The following TSNARE1 variants were observed in gnomAD, a reference collection of about 807,000 sequenced individuals.
TSNARE1 encodes t-SNARE domain containing 1, also known as t-SNARE domain-containing protein 1.
In TSNARE1, 49 loss-of-function variants were observed where a neutral mutation model predicts 62.0. The ratio of observed to expected loss-of-function variants is 0.79; its 90% CI spans 0.63 to 1.00. The LOEUF (loss-of-function observed/expected upper bound fraction) is 1.00, where lower values mean the gene tolerates loss of function less well. TSNARE1 is among the 50% of genes least tolerant of loss of function. The pLI, the probability that TSNARE1 is intolerant of heterozygous loss-of-function variation, is 0.00. For synonymous variants in TSNARE1, 328 were observed against 294.4 expected (o/e 1.11, Z -1.17); for missense variants, 755 against 700.1 (o/e 1.08, Z -0.88).
rs114396983 is a variant in TSNARE1 at position 142,321,215 on chromosome 8, G to A, written c.894-2581C>T. On this transcript the variant is annotated intron_variant, in intron 6 of 13. Transcript: ENST00000524325. Reference sequence around the variant, plus strand: ...AGAGGGGCCACCTTCCATGATGCTCGTCCCAATAAAAGGCCCAGAGGAGAC... The same window carrying A: ...AGAGGGGCCACCTTCCATGATGCTCATCCCAATAAAAGGCCCAGAGGAGAC... 4.8e-3 allele frequency among the ~76,000 whole-genome samples: 728 copies of A among 152,236 alleles called. 8 individuals are homozygous for A. The highest frequency in any genetic ancestry group is 0.016 in the African/African-American group (653 of 41,532).
At chr8:142,284,916 C>T (rs1455324456) in intron 10 of TSNARE1, among the ~76,000 whole-genome samples, 1 of 152,214 alleles carries the variant, frequency 6.6e-6, no homozygotes, top group Non-Finnish European at 1.5e-5. Flanking sequence ...GCAGATATAC[C>T]ATCCCCACTT....
At chr8:142,223,192 G>A (rs111215731) in intron 13 of TSNARE1, among the ~76,000 whole-genome samples, 21,184 of 47,332 alleles carry the variant, frequency 0.45, 8,635 homozygotes, top group Non-Finnish European at 0.57. Flanking sequence ...TCATTCACTC[G>A]TTCACTCACT....
chr8:142,282,215 AC>A (rs893046392), intron 11 of TSNARE1, among the ~76,000 whole-genome samples: 1 of 151,224 alleles, frequency 6.6e-6, no homozygotes, highest in African/African-American at 2.4e-5. Flanking sequence ...CTCTCCCTAC[AC>A]CCCCCCAGCA....
At chr8:142,271,139 G>C (rs143290291) in intron 12 of TSNARE1, 2 of 987,072 alleles carry the variant, frequency 2.0e-6, no homozygotes, top group East Asian at 1.1e-4. Context: ...CTCGAGCCCC[G>C]AGTGGGTGCC....
At chr8:142,375,116 G>A (rs950517148) in intron 1 of TSNARE1, among the ~76,000 whole-genome samples, 3 of 152,244 alleles carry the variant, frequency 2.0e-5, no homozygotes, top group African/African-American at 4.8e-5. Context: ...TGGCCCCATT[G>A]GTCACAGTAC....
At chr8:142,233,244 G>A (rs575657629) in intron 12 of TSNARE1, among the ~76,000 whole-genome samples, 15 of 152,356 alleles carry the variant, frequency 9.8e-5, no homozygotes, top group South Asian at 8.3e-4. Flanking sequence ...GGACAGGCCC[G>A]TGAGGCACGA....
chr8:142,314,877 C>A (rs1014696945), intron 8 of TSNARE1, 126 bp downstream of exon 8: 2 of 889,206 alleles, frequency 2.2e-6, no homozygotes, highest in African/African-American at 3.3e-5. Context: ...GAACAACCCT[C>A]TTCTCTGCCT....
chr8:142,282,244 G>C (rs903703850), intron 11 of TSNARE1, among the ~76,000 whole-genome samples: 1 of 151,900 alleles, frequency 6.6e-6, no homozygotes, highest in Non-Finnish European at 1.5e-5. Flanking sequence ...ATCCATAGCA[G>C]AACCAGAGCT....
chr8:142,345,967 G>T (rs1833315412), intron 2 of TSNARE1, 75 bp from the exon 3 acceptor site: 2 of 1,523,950 alleles, frequency 1.3e-6, no homozygotes, highest in African/African-American at 2.8e-5. Flanking sequence ...CCCATGCACG[G>T]ACAGCAGACA....
chr8:142,212,679 C>T (rs1000960998), intron 13 of TSNARE1, among the ~76,000 whole-genome samples: 3 of 151,964 alleles, frequency 2.0e-5, no homozygotes, highest in Admixed American at 6.5e-5. Flanking sequence ...GTACAGCAGG[C>T]CCTGCCTGGC....
At chr8:142,246,223 C>A (rs988453368) in intron 12 of TSNARE1, among the ~76,000 whole-genome samples, 10 of 152,138 alleles carry the variant, frequency 6.6e-5, no homozygotes, top group Admixed American at 4.6e-4. Flanking sequence ...TTGTAGCCAC[C>A]CCTACCCCCA....
At chr8:142,383,251 G>A (rs182036113) in intron 1 of TSNARE1, among the ~76,000 whole-genome samples, 4 of 152,350 alleles carry the variant, frequency 2.6e-5, no homozygotes, top group Middle Eastern at 3.4e-3. Flanking sequence ...CTGGTCAGCA[G>A]CAGCTGAGAG....
At chr8:142,270,596 C>T (rs1248891163) in intron 12 of TSNARE1, 2 of 984,948 alleles carry the variant, frequency 2.0e-6, no homozygotes, top group African/African-American at 3.5e-5. Flanking sequence ...CAGAGGAGCC[C>T]TGCCCTCCAA....
In TSNARE1 at chr8:142,291,440, T is replaced by C. The variant is rs572381400; in HGVS notation, c.1291-6955A>G. On this transcript the variant is annotated intron_variant, in intron 10 of 13. Transcript: ENST00000524325. The surrounding 1 kb of genome is among the most constrained non-coding windows in gnomAD (Gnocchi z 4.8). Reference sequence around the variant, plus strand: ...TGTGGGCTGAGACACATATAAATAATGTCAGCAGGGCCTTGTCGTTAAACA... The same window carrying C: ...TGTGGGCTGAGACACATATAAATAACGTCAGCAGGGCCTTGTCGTTAAACA... Among the ~76,000 whole-genome samples, 1 of 152,222 alleles carries C rather than the reference T, an allele frequency of 6.6e-6. No homozygotes were observed. The highest frequency in any genetic ancestry group is 1.9e-4 in the East Asian group (1 of 5,146).
intron 6 of TSNARE1, among the ~76,000 whole-genome samples, chr8:142,328,519 G>T (rs1830564619): frequency 6.6e-6 from 1 of 152,224 alleles, no homozygotes; most frequent in South Asian, 2.1e-4. Flanking sequence ...GTTCAATTGT[G>T]CTCTCGTGGC....
At chr8:142,265,121 A>AATTTGTGTGT (rs1554632287) in intron 12 of TSNARE1, among the ~76,000 whole-genome samples, 4 of 15,518 alleles carry the variant, frequency 2.6e-4, no homozygotes, top group Non-Finnish European at 4.5e-4. Flanking sequence ...CTTTCTACTC[A>AATTTGTGTGT]GTTTGTGTGT....
At chr8:142,341,276 C>G (rs928260472) in intron 4 of TSNARE1, among the ~76,000 whole-genome samples, 20 of 152,328 alleles carry the variant, frequency 1.3e-4, no homozygotes, top group African/African-American at 4.3e-4. Flanking sequence ...ACCCACCCCC[C>G]CAGGCCTGGC....
chr8:142,327,165 A>T (rs1436959084), intron 6 of TSNARE1, among the ~76,000 whole-genome samples: 2 of 152,202 alleles, frequency 1.3e-5, no homozygotes, highest in East Asian at 3.9e-4. Flanking sequence ...CCTACCGCAA[A>T]CATTCACCGC....
At chr8:142,214,250 G>A (rs1044057156) in intron 13 of TSNARE1, among the ~76,000 whole-genome samples, 5 of 152,176 alleles carry the variant, frequency 3.3e-5, no homozygotes, top group Non-Finnish European at 5.9e-5. Context: ...GGCAGACCCC[G>A]CTCCCCACCC....
Sources: allele counts gnomAD v4.1 joint callset (sites outside exome capture counted in the v4.1 genomes callset), GRCh38; gene constraint gnomAD v4.1.1; non-coding constraint Gnocchi (gnomAD v3.1); transcripts MANE v1.5; gene names NCBI Gene and HGNC (gene_info 2026-07-23, HGNC 2026-07-21).